The following CUL4B variants were observed in gnomAD, a reference collection of about 807,000 sequenced individuals.
CUL4B encodes the protein cullin 4B.
Under a neutral mutation model 69.2 loss-of-function variants are expected in CUL4B, and 1 was observed. The observed-to-expected ratio is 0.01, with a 90% CI of 0.01 to 0.07. The LOEUF (loss-of-function observed/expected upper bound fraction) is 0.07. Among genes scored for constraint, CUL4B ranks in the 10% least tolerant of loss-of-function variants. The pLI is 1.00. For synonymous variants in CUL4B, 237 were observed against 223.2 expected (o/e 1.06, Z -0.55); for missense variants, 328 against 638.8 (o/e 0.51, Z 5.24).
intron 11 of CUL4B, 37 bp downstream of exon 11, chrX:120,540,333 A>G (rs781235741): frequency 3.5e-6 from 4 of 1,140,498 alleles, no homozygotes; most frequent in Middle Eastern, 2.6e-4. Flanking sequence ...CTCAAAGAAC[A>G]TCATTAAACA....
Position 120,560,150 on chromosome X carries a change from G to A in CUL4B, c.489C>T (p.Thr163=), listed in dbSNP as rs1484223221. 1 of 1,211,834 alleles carries A rather than the reference G, an allele frequency of 8.3e-7. No homozygotes were observed. Among genetic ancestry groups the A allele is most frequent in the Admixed American group, 2.2e-5 (1 of 46,068 alleles). ...HHANGLAKSS[T]TVSSFANSKP... ...TGCTGTTAGCAAAGCTAGAGACGGT[G>A]GTAGAAGATTTGGCTAGGCCGTTTG... Residue 163 remains threonine, a synonymous_variant, in exon 1 of 20, where the codon ACC becomes ACT. Transcript: ENST00000371322.
At position 120,560,902 on chromosome X, in the gene CUL4B, C is replaced by T; in HGVS notation, c.-264G>A. ...GCAGACAGGTAAACGGCCGTGCCGT[C>T]CCCCTCCCCTGCTTTTCGATCTCTC... On this transcript the variant is annotated 5_prime_UTR_variant, in exon 1 of 20. Coordinates refer to ENST00000371322, the MANE Select transcript of CUL4B (RefSeq NM_001079872.2). 9.3e-6 allele frequency: 7 copies of T among 753,356 alleles called. No individual in the cohort carries two copies. The highest frequency in any genetic ancestry group is 1.1e-5 in the Non-Finnish European group (7 of 638,893). 62.1% of individuals were successfully genotyped at this position (753,356 alleles called of 1,213,427 possible).
At chrX:120,569,487 A>G (rs1319728601), downstream of CUL4B, among the ~76,000 whole-genome samples, 1 of 108,805 alleles carries the variant, frequency 9.2e-6, no homozygotes, top group African/African-American at 3.4e-5. Context: ...CAGCCTCCGG[A>G]GTAGCTGGGA....
intron 19 of CUL4B, 141 bp from the exon 20 acceptor site, chrX:120,526,997 T>C (rs900031363): frequency 6.1e-6 from 2 of 328,891 alleles, no homozygotes; most frequent in Non-Finnish European, 5.4e-6. Flanking sequence ...TTTAAATCTC[T>C]TTTTTAGAGA....
intron 11 of CUL4B, 82 bp downstream of exon 11, chrX:120,540,288 C>T (rs1923912912): frequency 1.1e-6 from 1 of 939,449 alleles, no homozygotes; most frequent in Admixed American, 2.3e-5. Flanking sequence ...AGTAATACTA[C>T]AACCTGGTAA....
chrX:120,534,713 G>A (rs1461240453), intron 16 of CUL4B, 127 bp from the exon 17 acceptor site: 1 of 510,046 alleles, frequency 2.0e-6, no homozygotes, highest in Non-Finnish European at 3.5e-6. Context: ...ATCCAGCAAA[G>A]CCACTTGACG....
rs1923523168 is a variant in CUL4B at position 120,534,381 on chromosome X, A to T, written c.2266+100T>A. The T allele has an allele frequency of 6.4e-6, 4 of 626,313 alleles. No homozygotes were observed. In the South Asian group the frequency reaches 9.5e-5, roughly 15 times the overall value. 51.6% of individuals were successfully genotyped at this position (626,313 alleles called of 1,213,427 possible). A position where few individuals can be genotyped will look rare whatever the true frequency, so the allele number is the denominator to read the frequency against. On this transcript the variant is annotated intron_variant, in intron 17 of 19. Transcript: ENST00000371322. Reference sequence around the variant, plus strand: ...TTAAAAAAAAAGAAAAAAAAAACTCAAAACAGTTCTGAGGCAAGGAATTAT... The same window carrying T: ...TTAAAAAAAAAGAAAAAAAAAACTCTAAACAGTTCTGAGGCAAGGAATTAT...
chrX:120,532,252 C>T (rs1923362446), intron 18 of CUL4B, 170 bp downstream of exon 18: 3 of 434,924 alleles, frequency 6.9e-6, no homozygotes, highest in Non-Finnish European at 1.2e-5. Flanking sequence ...TCCTGTACAA[C>T]CACTCTCCCA....
chrX:120,565,631 G>A (rs745852631), upstream of CUL4B, among the ~76,000 whole-genome samples: 20 of 76,483 alleles, frequency 2.6e-4, no homozygotes, highest in African/African-American at 8.8e-4. Context: ...GCAGTGAGCC[G>A]AGATTGCACC....
intron 2 of CUL4B, among the ~76,000 whole-genome samples, chrX:120,552,043 ATTAT>A (rs1423057968): frequency 8.9e-6 from 1 of 112,149 alleles, no homozygotes; most frequent in African/African-American, 3.2e-5. Context: ...TTATGTATTT[ATTAT>A]TTATGTATTT....
chrX:120,533,062 A>G (rs1923422953), intron 17 of CUL4B, among the ~76,000 whole-genome samples: 1 of 112,464 alleles, frequency 8.9e-6, no homozygotes, highest in South Asian at 3.7e-4. Flanking sequence ...TCATCTCCAT[A>G]TAACTGTGTC....
Position 120,534,663 on chromosome X carries a change from G to T in CUL4B, c.2161-77C>A, listed in dbSNP as rs1010528418. On this transcript the variant is annotated intron_variant, in intron 16 of 19. Coordinates refer to ENST00000371322, the MANE Select transcript of CUL4B (RefSeq NM_001079872.2). ...AAATTAATCATCTCTTATAGGAAAA[G>T]CATTTTTCAATTAGTGGATTTAGAA... 21 of 687,948 alleles carry T rather than the reference G, an allele frequency of 3.1e-5. No individual in the cohort carries two copies. In the African/African-American group the frequency reaches 4.3e-4, roughly 14 times the overall value. 56.7% of individuals were successfully genotyped at this position (687,948 alleles called of 1,213,427 possible).
rs1922959815 is a variant in CUL4B at position 120,526,245 on chromosome X, C to T, written c.*516G>A. 8.8e-6 allele frequency: 1 copy of T among 113,033 alleles called. No homozygotes were observed. The highest frequency in any genetic ancestry group is 1.9e-5 in the Non-Finnish European group (1 of 53,783). 9.3% of individuals were successfully genotyped at this position (113,033 alleles called of 1,213,427 possible). Reference sequence around the variant, plus strand: ...ACATCACCTAGTAAAATATCAATAGCTATGACAATTCATTTCTCTTTTCAA... The same window carrying T: ...ACATCACCTAGTAAAATATCAATAGTTATGACAATTCATTTCTCTTTTCAA... On this transcript the variant is annotated 3_prime_UTR_variant, in exon 20 of 20. Coordinates refer to ENST00000371322, the MANE Select transcript of CUL4B (RefSeq NM_001079872.2).
chrX:120,569,718 G>A (rs1234445461), downstream of CUL4B, among the ~76,000 whole-genome samples: 2 of 111,675 alleles, frequency 1.8e-5, no homozygotes, highest in Non-Finnish European at 3.8e-5. Flanking sequence ...TTACAAGACA[G>A]AGTGACAAAG....
intron 2 of CUL4B, among the ~76,000 whole-genome samples, chrX:120,556,169 G>A (rs904721431): frequency 6.3e-5 from 7 of 110,669 alleles, no homozygotes; most frequent in African/African-American, 1.6e-4. Context: ...TATATAATAC[G>A]CCAAAAGAGC....
intron 2 of CUL4B, among the ~76,000 whole-genome samples, chrX:120,556,144 A>G (rs1924950092): frequency 9.0e-6 from 1 of 110,927 alleles, no homozygotes; most frequent in Admixed American, 9.6e-5. Context: ...ATTGTTGTAC[A>G]TTTTAAGAGA....
chrX:120,539,956 T>C (rs1356594310), intron 11 of CUL4B, among the ~76,000 whole-genome samples: 2 of 111,598 alleles, frequency 1.8e-5, no homozygotes, highest in African/African-American at 6.5e-5. Flanking sequence ...AGCACTGTAG[T>C]GTATATCACA....
upstream of CUL4B, among the ~76,000 whole-genome samples, chrX:120,566,347 A>ATATATATATATATATATATATATG (rs1569398137): frequency 8.0e-5 from 1 of 12,465 alleles, no homozygotes; most frequent in African/African-American, 2.1e-4. Flanking sequence ...GTGTATAGGT[A>ATATATATATATATATATATATATG]TATATATATA....
intron 4 of CUL4B, among the ~76,000 whole-genome samples, chrX:120,546,163 T>C (rs900769364): frequency 1.3e-4 from 14 of 111,301 alleles, no homozygotes; most frequent in African/African-American, 3.9e-4. Flanking sequence ...GGTTTACCTG[T>C]AACTTGTGGT....
Sources: allele counts gnomAD v4.1 joint callset (sites outside exome capture counted in the v4.1 genomes callset), GRCh38; gene constraint gnomAD v4.1.1; transcripts MANE v1.5; gene names NCBI Gene and HGNC (gene_info 2026-07-23, HGNC 2026-07-21).